Variants in IQCK observed in about 807,000 individuals in gnomAD.
IQCK encodes the protein IQ motif containing K.
IQCK carries 29 observed loss-of-function variants against 28.1 expected under a neutral mutation model. The ratio of observed to expected loss-of-function variants is 1.03; its 90% CI spans 0.77 to 1.41. The LOEUF is 1.41. Ranked by LOEUF, IQCK falls within the 40% of genes most tolerant of loss-of-function variation. The pLI is 0.00. For missense variants in IQCK, 359 were observed against 314.7 expected (o/e 1.14, Z -1.07); for synonymous variants, 113 against 115.1 (o/e 0.98, Z 0.12).
chr16:19,798,191 G>A (rs2055712861), intron 7 of IQCK, among the ~76,000 whole-genome samples: 1 of 58,092 alleles, frequency 1.7e-5, no homozygotes, highest in South Asian at 7.1e-4. Context: ...GCTGAGGCGG[G>A]TGGATCACTT....
intron 6 of IQCK, among the ~76,000 whole-genome samples, chr16:19,783,485 G>C (rs561123498): frequency 3.3e-5 from 5 of 152,118 alleles, no homozygotes; most frequent in Non-Finnish European, 7.3e-5. Flanking sequence ...GGCCTCAGCT[G>C]TCTCCTTCTG....
chr16:19,752,744 T>C (rs572873585), intron 4 of IQCK, among the ~76,000 whole-genome samples: 28 of 152,172 alleles, frequency 1.8e-4, no homozygotes, highest in African/African-American at 6.3e-4. Flanking sequence ...TTGTATTTTT[T>C]GTAGAGATGG....
intron 4 of IQCK, among the ~76,000 whole-genome samples, chr16:19,756,796 C>G (rs1262938565): frequency 1.3e-5 from 2 of 151,144 alleles, no homozygotes; most frequent in African/African-American, 4.9e-5. Flanking sequence ...ACTTGGGAGG[C>G]TGAGGCAGGA....
intron 6 of IQCK, among the ~76,000 whole-genome samples, chr16:19,776,590 C>T (rs530538290): frequency 9.2e-5 from 14 of 152,122 alleles, no homozygotes; most frequent in African/African-American, 1.9e-4. Context: ...GCCTGTAATA[C>T]GCCAGCTACT....
At chr16:19,808,364 C>G (rs1024939114) in intron 7 of IQCK, among the ~76,000 whole-genome samples, 3 of 152,170 alleles carry the variant, frequency 2.0e-5, no homozygotes, top group Non-Finnish European at 4.4e-5. Flanking sequence ...CAATGTACCC[C>G]CAGTATGTGA....
At chr16:19,740,183 T>C (rs1425074696) in intron 4 of IQCK, among the ~76,000 whole-genome samples, 2 of 152,234 alleles carry the variant, frequency 1.3e-5, no homozygotes, top group Non-Finnish European at 2.9e-5. Flanking sequence ...AGTTATCAAA[T>C]TTAAACGGCT....
At chr16:19,747,413 A>G (rs945911453) in intron 4 of IQCK, among the ~76,000 whole-genome samples, 3 of 151,940 alleles carry the variant, frequency 2.0e-5, no homozygotes, top group Admixed American at 6.6e-5. Flanking sequence ...GAACTGACAT[A>G]GTGTCACTTT....
intron 4 of IQCK, among the ~76,000 whole-genome samples, chr16:19,758,145 G>A (rs2055078086): frequency 6.6e-6 from 1 of 152,040 alleles, no homozygotes; most frequent in Non-Finnish European, 1.5e-5. Context: ...GGGTGCCCTC[G>A]CTGTCTAAAT....
At chr16:19,833,878 C>T (rs1242111465) in intron 9 of IQCK, among the ~76,000 whole-genome samples, 1 of 151,952 alleles carries the variant, frequency 6.6e-6, no homozygotes, top group African/African-American at 2.4e-5. Context: ...ATTGCTTGAG[C>T]CTAGGAGTTC....
intron 7 of IQCK, among the ~76,000 whole-genome samples, chr16:19,804,624 C>T (rs947582441): frequency 1.1e-4 from 17 of 152,008 alleles, no homozygotes; most frequent in Admixed American, 7.2e-4. Context: ...TTTTTAGAGA[C>T]GAGTCTTGCC....
chr16:19,748,933 G>A (rs2054949645), intron 4 of IQCK, among the ~76,000 whole-genome samples: 1 of 152,144 alleles, frequency 6.6e-6, no homozygotes, highest in African/African-American at 2.4e-5. Flanking sequence ...AGCCCTGCAA[G>A]TATTTCAGCC....
intron 1 of IQCK, among the ~76,000 whole-genome samples, chr16:19,722,877 C>G (rs984595883): frequency 2.0e-5 from 3 of 152,090 alleles, no homozygotes; most frequent in African/African-American, 7.2e-5. Flanking sequence ...ACACCATGCC[C>G]AGCTAATTTT....
At chr16:19,838,151 C>T (rs1416021236) in intron 9 of IQCK, among the ~76,000 whole-genome samples, 4 of 152,178 alleles carry the variant, frequency 2.6e-5, no homozygotes, top group African/African-American at 9.7e-5. Context: ...CTGTTGATGC[C>T]GTTTTGGTGG....
intron 1 of IQCK, among the ~76,000 whole-genome samples, chr16:19,721,673 C>T (rs983594571): frequency 2.0e-5 from 3 of 151,778 alleles, no homozygotes; most frequent in African/African-American, 7.3e-5. Flanking sequence ...GCAACCTCTG[C>T]CTCCCAGATT....
rs570530152 is a variant in IQCK, at chr16:19,775,866, CTTTTTTTTTTTTT to C, written c.605+11775_605+11787del. 4.5e-4 allele frequency among the ~76,000 whole-genome samples: 17 copies of C among 37,720 alleles called. No individual in the cohort carries two copies. The South Asian group carries it at 7.0e-3, about 16-fold the overall frequency. The allele number at this position is 37,720 out of a possible 152,430, so 24.7% of individuals were successfully genotyped here. A position where few individuals can be genotyped will look rare whatever the true frequency, so the allele number is the denominator to read the frequency against. ...CTAGCTGTTCTGTTCTGGGCACAGG[CTTTTTTTTTTTTT>C]TTTTTTTTTTTTTTTTTTTTGAGAA... is the stretch of plus-strand genomic sequence containing the variant. On this transcript the variant is annotated intron_variant, in intron 6 of 7. Transcript: ENST00000564186.
intron 7 of IQCK, among the ~76,000 whole-genome samples, chr16:19,792,416 A>AT (rs2055625939): frequency 1.1e-5 from 1 of 92,568 alleles, no homozygotes; most frequent in Non-Finnish European, 1.8e-5. Flanking sequence ...CTATTATGCC[A>AT]TTTTTTGTTA....
chr16:19,739,353 T>A (rs1301226420), intron 4 of IQCK, among the ~76,000 whole-genome samples: 2 of 152,180 alleles, frequency 1.3e-5, no homozygotes, highest in African/African-American at 4.8e-5. Context: ...AATGATCAGA[T>A]CCCTTATTTT....
chr16:19,846,350 C>T (rs949109137), intron 9 of IQCK, among the ~76,000 whole-genome samples: 7 of 152,174 alleles, frequency 4.6e-5, no homozygotes, highest in African/African-American at 1.7e-4. Context: ...GATTTGGTGG[C>T]TTCCTTCCCC....
intron 4 of IQCK, among the ~76,000 whole-genome samples, chr16:19,751,342 A>G (rs2054983898): frequency 2.0e-5 from 3 of 152,100 alleles, no homozygotes; most frequent in African/African-American, 7.2e-5. Context: ...TTAGCCAGGC[A>G]GTGCCATGTG....
Sources: allele counts gnomAD v4.1 joint callset (sites outside exome capture counted in the v4.1 genomes callset), GRCh38; gene constraint gnomAD v4.1.1; transcripts MANE v1.5; gene names NCBI Gene and HGNC (gene_info 2026-07-23, HGNC 2026-07-21).